Variants in CD200 observed in about 807,000 individuals in gnomAD.
CD200 encodes the protein CD200 molecule.
Under a neutral mutation model 30.9 loss-of-function variants are expected in CD200, and 15 were observed. That is an observed-to-expected ratio of 0.49 (90% confidence interval 0.32 to 0.75). The LOEUF (loss-of-function observed/expected upper bound fraction) is 0.75, where lower values mean the gene tolerates loss of function less well. CD200 is among the 30% of genes least tolerant of loss of function. The pLI, the probability that CD200 is intolerant of heterozygous loss-of-function variation, is 0.03. For synonymous variants in CD200, 134 were observed against 126.2 expected (o/e 1.06, Z -0.41); for missense variants, 262 against 324.2 (o/e 0.81, Z 1.47).
chr3:112,333,151 C>T, upstream of CD200: 7 of 1,546,534 alleles, frequency 4.5e-6, no homozygotes, highest in Non-Finnish European at 6.1e-6. Context: ...TCCCGCCTGC[C>T]TAGCAGAGCT....
chr3:112,349,887 T>C (rs1304312710), intron 5 of CD200, 68 bp downstream of exon 5: 20 of 1,487,316 alleles, frequency 1.3e-5, no homozygotes, highest in Non-Finnish European at 1.8e-6. Flanking sequence ...AATTTGTGAG[T>C]CATTTGAAGA....
chr3:112,342,405 CT>C (rs1209342623), intron 2 of CD200, among the ~76,000 whole-genome samples: 2 of 60,210 alleles, frequency 3.3e-5, no homozygotes, highest in Non-Finnish European at 3.3e-5. Flanking sequence ...TTCTTTCTTT[CT>C]TTCTTTCTTT....
chr3:112,345,048 A>G lies in CD200; in HGVS notation c.181A>G (p.Ile61Val), dbSNP rs1034190074. The G allele has an allele frequency of 1.2e-6, 2 of 1,614,016 alleles. No homozygotes were observed. The highest frequency in any genetic ancestry group is 3.3e-5 in the Admixed American group (2 of 59,972). The change falls in exon 3 of 6, where the codon ATT becomes GTT. Residue 61 changes from isoleucine (I) to valine (V), a missense_variant. Coordinates refer to ENST00000315711, the MANE Select transcript of CD200 (RefSeq NM_005944.7). Reference sequence around the variant, plus strand: ...TCTGCAAAATGCCCAGGAAGCCCTCATTGTGACATGGCAGAAAAAGAAAGC... The same window carrying G: ...TCTGCAAAATGCCCAGGAAGCCCTCGTTGTGACATGGCAGAAAAAGAAAGC... Reference protein sequence around the residue: ...CSLQNAQEALIVTWQKKKAVS... With the variant: ...CSLQNAQEALVVTWQKKKAVS...
chr3:112,359,284 A>G (rs1224620043), intron 5 of CD200, among the ~76,000 whole-genome samples: 1 of 152,240 alleles, frequency 6.6e-6, no homozygotes, highest in East Asian at 1.9e-4. Context: ...AAAAATGTAT[A>G]CTAGTGATCT....
At chr3:112,353,108 A>G (rs904134060) in intron 5 of CD200, among the ~76,000 whole-genome samples, 1 of 152,188 alleles carries the variant, frequency 6.6e-6, no homozygotes, top group African/African-American at 2.4e-5. Context: ...TTCTATTAAA[A>G]CCCAGTGATT....
In CD200 at chr3:112,343,225, T is replaced by C. The variant is rs1392443209; in HGVS notation, c.95-1737T>C. Among the ~76,000 whole-genome samples the C allele has an allele frequency of 2.0e-5, 3 of 151,858 alleles. No homozygotes were observed. In the East Asian group the frequency reaches 5.8e-4, roughly 29 times the overall value. ...GAGAGATCTACATACATATAAAGTA[T>C]ATAGTGTATATAATATAAACATATA... On this transcript the variant is annotated intron_variant, in intron 2 of 5. Coordinates refer to ENST00000315711, the MANE Select transcript of CD200 (RefSeq NM_005944.7).
intron 2 of CD200, among the ~76,000 whole-genome samples, chr3:112,344,434 C>A (rs1031433544): frequency 1.3e-5 from 2 of 152,198 alleles, no homozygotes; most frequent in African/African-American, 4.8e-5. Context: ...AATCTCTTTA[C>A]CTATGTTCCT....
Position 112,347,696 on chromosome 3 carries a change from C to T in CD200, c.560C>T (p.Ser187Phe), listed in dbSNP as rs774734158. The change falls in exon 4 of 6, where the codon TCT (serine) becomes TTT (phenylalanine). Residue 187 changes from serine to phenylalanine, a missense_variant. Physicochemically the swap from Ser to Phe is radical, Grantham distance 155. Transcript: ENST00000315711. ...SGIENSTVTL[S>F]HPNGTTSVTS... ...ATTGAAAATAGTACAGTGACTCTGT[C>T]TCACCCAAATGGGACCACGTCTGTT... The T allele has an allele frequency of 3.7e-6, 6 of 1,613,968 alleles. No homozygotes were observed. Among genetic ancestry groups the T allele is most frequent in the South Asian group, 3.3e-5 (3 of 91,084 alleles).
In CD200 at chr3:112,340,915, C is replaced by A. The variant is rs1235219475; in HGVS notation, c.26C>A (p.Pro9His). The change falls in exon 2 of 6, where the codon CCC becomes CAC. Residue 9 changes from proline to histidine, a missense_variant. Pro to His is a moderately conservative substitution (Grantham distance 77, BLOSUM62 -2). Coordinates refer to ENST00000315711, the MANE Select transcript of CD200 (RefSeq NM_005944.7). MERLVIRM[P>H]FSHLSTYSLV... ...TTCTGTCTTCAGGTGATCAGGATGC[C>A]CTTCTCTCATCTGTCTACCTACAGC... 6.2e-7 allele frequency: 1 copy of A among 1,604,974 alleles called. No individual in the cohort carries two copies. Among genetic ancestry groups the A allele is most frequent in the Admixed American group, 1.7e-5 (1 of 59,948 alleles).
intron 2 of CD200, among the ~76,000 whole-genome samples, chr3:112,342,420 T>C (rs1267510749): frequency 2.4e-5 from 2 of 84,834 alleles, no homozygotes; most frequent in East Asian, 6.3e-4. Context: ...TTTCTTTCTT[T>C]CTTTCTTTCT....
In CD200 at chr3:112,361,655, A is replaced by C; in HGVS notation, c.*105A>C. ...CATTCTCCAAAGGACCTGAAAGAGC[A>C]AAAGAGGTGGGAGCGAAAGCCTTAA... is the stretch of plus-strand genomic sequence containing the variant. On this transcript the variant is annotated 3_prime_UTR_variant, in exon 6 of 6. Coordinates refer to ENST00000315711, the MANE Select transcript of CD200 (RefSeq NM_005944.7). 1 of 1,044,622 alleles carries C rather than the reference A, an allele frequency of 9.6e-7. No individual in the cohort carries two copies. The highest frequency in any genetic ancestry group is 1.5e-6 in the Non-Finnish European group (1 of 663,050). 64.7% of individuals were successfully genotyped at this position (1,044,622 alleles called of 1,614,324 possible).
intron 5 of CD200, among the ~76,000 whole-genome samples, chr3:112,357,153 C>A (rs886299831): frequency 1.3e-5 from 2 of 149,778 alleles, no homozygotes; most frequent in Non-Finnish European, 3.0e-5. Context: ...CCCAGCTACT[C>A]GGGAGGCTGA....
At chr3:112,338,616 C>A (rs2081171270) in intron 1 of CD200, among the ~76,000 whole-genome samples, 1 of 152,148 alleles carries the variant, frequency 6.6e-6, no homozygotes. Flanking sequence ...AGCTTCTAGA[C>A]AATGACTCAA....
intron 5 of CD200, among the ~76,000 whole-genome samples, chr3:112,359,977 G>C (rs889639522): frequency 1.3e-5 from 2 of 152,210 alleles, no homozygotes; most frequent in Admixed American, 1.3e-4. Context: ...GAGGAGACAA[G>C]GGAAGAGTGG....
chr3:112,336,855 A>G (rs528776612), intron 1 of CD200, among the ~76,000 whole-genome samples: 24 of 152,322 alleles, frequency 1.6e-4, no homozygotes, highest in African/African-American at 5.5e-4. Context: ...ACTGCTAAAT[A>G]CCATAAAAGA....
intron 3 of CD200, among the ~76,000 whole-genome samples, chr3:112,345,574 A>C (rs1559785814): frequency 6.6e-6 from 1 of 152,200 alleles, no homozygotes; most frequent in African/African-American, 2.4e-5. Flanking sequence ...CAGTGATATG[A>C]TTCAGACCTG....
At chr3:112,358,349 A>G (rs139401410) in intron 5 of CD200, among the ~76,000 whole-genome samples, 1 of 134,612 alleles carries the variant, frequency 7.4e-6, no homozygotes, top group African/African-American at 2.6e-5. Context: ...TTTCAGTAGC[A>G]GTCTTGGGAG....
intron 1 of CD200, among the ~76,000 whole-genome samples, chr3:112,336,243 T>C (rs951955341): frequency 2.0e-5 from 3 of 151,350 alleles, no homozygotes; most frequent in Non-Finnish European, 4.4e-5. Context: ...ATCCATTGAG[T>C]AGGAGGATAT....
intron 5 of CD200, among the ~76,000 whole-genome samples, chr3:112,355,621 C>T (rs1022945320): frequency 3.9e-5 from 6 of 152,092 alleles, no homozygotes; most frequent in Admixed American, 1.3e-4. Context: ...CGTATTAAAC[C>T]GGGAATTTCT....
Sources: gnomAD v4.1 joint callset for allele counts (sites outside exome capture counted in the v4.1 genomes callset) on GRCh38, gnomAD v4.1.1 for gene constraint, MANE v1.5 for transcripts, NCBI Gene and HGNC (gene_info 2026-07-23, HGNC 2026-07-21) for gene names.